The following NPAS3 variants were observed in gnomAD, a reference collection of about 807,000 sequenced individuals.
NPAS3 encodes the protein neuronal PAS domain-containing protein 3.
In NPAS3, 14 loss-of-function variants were observed where a neutral mutation model predicts 73.1. The ratio of observed to expected loss-of-function variants is 0.19; its 90% CI spans 0.13 to 0.30. The LOEUF (loss-of-function observed/expected upper bound fraction) is 0.30. NPAS3 is among the 10% of genes least tolerant of loss of function. The probability of loss-of-function intolerance (pLI) is 1.00; values close to 1 mark genes in which losing one functional copy is unlikely to be tolerated. For missense variants in NPAS3, 1,096 were observed against 1,250.0 expected, an observed-to-expected ratio of 0.88 and a Z score of 1.86; for synonymous variants, 620 against 541.5, an observed-to-expected ratio of 1.14 and a Z score of -2.01.
intron 4 of NPAS3, among the ~76,000 whole-genome samples, chr14:33,477,696 T>C (rs1361800418): frequency 6.6e-6 from 1 of 152,166 alleles, no homozygotes; most frequent in Non-Finnish European, 1.5e-5. Flanking sequence ...CTCTCCAAGT[T>C]CATTTGCCCC....
intron 2 of NPAS3, among the ~76,000 whole-genome samples, chr14:33,123,516 G>A (rs2043310361): frequency 6.6e-6 from 1 of 152,116 alleles, no homozygotes; most frequent in Admixed American, 6.6e-5. Context: ...GGGGCAGGGA[G>A]AAGGAGCAAC....
intron 1 of NPAS3, among the ~76,000 whole-genome samples, chr14:32,941,848 C>A (rs748499286): frequency 5.3e-5 from 8 of 152,102 alleles, no homozygotes; most frequent in Non-Finnish European, 1.0e-4. Context: ...AAACTTGGTC[C>A]CTTATCCAAA....
In NPAS3 at chr14:33,729,355, G is replaced by T. The variant is rs17101797; in HGVS notation, c.734-5859G>T. 3.1e-3 allele frequency among the ~76,000 whole-genome samples: 474 copies of T among 152,238 alleles called. 6 individuals are homozygous for T. In the East Asian group the frequency reaches 0.032, roughly 10 times the overall value. On this transcript the variant is annotated intron_variant, in intron 6 of 11. Transcript: ENST00000356141. ...AAGGCTATGATTTTTCCAAAAAGAG[G>T]TTCTACATTAATGCTATATGAGTTG...
Position 32,954,458 on chromosome 14 carries a change from C to CT in NPAS3, c.50+15093dup, listed in dbSNP as rs541953640. On this transcript the variant is annotated intron_variant, in intron 1 of 11. Transcript: ENST00000356141. Reference sequence around the variant, plus strand: ...TTCTCTTTTATAGATGAGGTCATAGCTAGTAAAGTTTTGAAATTGGATTTA... The same window carrying CT: ...TTCTCTTTTATAGATGAGGTCATAGCTTAGTAAAGTTTTGAAATTGGATTTA... Among the ~76,000 whole-genome samples, 36 of 152,222 alleles carry CT rather than the reference C, an allele frequency of 2.4e-4. 1 individual carries two copies. The South Asian group carries it at 6.8e-3, about 29-fold the overall frequency.
intron 4 of NPAS3, among the ~76,000 whole-genome samples, chr14:33,528,984 C>T (rs1481164610): frequency 6.6e-6 from 1 of 152,110 alleles, no homozygotes; most frequent in Non-Finnish European, 1.5e-5. Context: ...ATCCTAAATT[C>T]AAACCCAGAG....
chr14:33,703,110 C>G (rs976150017), intron 6 of NPAS3, among the ~76,000 whole-genome samples: 2 of 152,030 alleles, frequency 1.3e-5, no homozygotes, highest in Non-Finnish European at 2.9e-5. Flanking sequence ...AGGATTGGGG[C>G]AGAAGAATTC....
At chr14:33,158,851 G>A (rs956655404) in intron 2 of NPAS3, among the ~76,000 whole-genome samples, 1 of 152,134 alleles carries the variant, frequency 6.6e-6, no homozygotes, top group Non-Finnish European at 1.5e-5. Flanking sequence ...TCTTAGCTAA[G>A]GTTTTGATAG....
intron 4 of NPAS3, among the ~76,000 whole-genome samples, chr14:33,409,491 A>T (rs1036474669): frequency 1.3e-5 from 2 of 152,212 alleles, no homozygotes; most frequent in African/African-American, 4.8e-5. Context: ...ATTTTAAAAG[A>T]TGACAAATTG....
At chr14:33,182,201 A>G (rs1439340705) in intron 2 of NPAS3, among the ~76,000 whole-genome samples, 1 of 152,202 alleles carries the variant, frequency 6.6e-6, no homozygotes, top group East Asian at 1.9e-4. Flanking sequence ...TGTGTTAGGT[A>G]TATATTTTAA....
intron 2 of NPAS3, among the ~76,000 whole-genome samples, chr14:33,164,449 A>G (rs1333607430): frequency 1.3e-5 from 2 of 152,106 alleles, no homozygotes; most frequent in African/African-American, 2.4e-5. Context: ...CCAGTCACAA[A>G]TATTCCCAGT....
At chr14:32,954,943 T>C (rs2036615784) in intron 1 of NPAS3, among the ~76,000 whole-genome samples, 1 of 152,174 alleles carries the variant, frequency 6.6e-6, no homozygotes. Context: ...TGTAGTTCTA[T>C]TTCCTGCATA....
chr14:33,353,004 G>C (rs145453908), intron 3 of NPAS3, among the ~76,000 whole-genome samples: 51 of 152,192 alleles, frequency 3.4e-4, no homozygotes, highest in African/African-American at 1.2e-3. Context: ...GAGAGCTAAG[G>C]GGAGCAAGTT....
chr14:33,183,421 G>GGTTTTTTTTTTTT (rs2045868671), intron 2 of NPAS3, among the ~76,000 whole-genome samples: 1 of 60,764 alleles, frequency 1.6e-5, no homozygotes, highest in African/African-American at 9.6e-5. Context: ...GTGAGACTCT[G>GGTTTTTTTTTTTT]TTTTTTTTTT....
intron 1 of NPAS3, among the ~76,000 whole-genome samples, chr14:32,959,617 A>C (rs193069685): frequency 2.6e-5 from 4 of 152,290 alleles, no homozygotes; most frequent in Admixed American, 2.6e-4. Flanking sequence ...ATAGACAGAG[A>C]CTTAATTACG....
chr14:33,234,806 A>G (rs867704129), intron 3 of NPAS3, among the ~76,000 whole-genome samples: 2 of 152,090 alleles, frequency 1.3e-5, no homozygotes, highest in Non-Finnish European at 2.9e-5. Context: ...TCAAGCTTGT[A>G]TCACTGTTCC....
intron 1 of NPAS3, among the ~76,000 whole-genome samples, chr14:33,003,046 T>G (rs956783060): frequency 1.3e-5 from 2 of 152,036 alleles, no homozygotes; most frequent in African/African-American, 4.8e-5. Context: ...ATACAAATGA[T>G]GATTTCATTC....
chr14:33,064,085 A>G (rs1449984235), intron 2 of NPAS3, among the ~76,000 whole-genome samples: 1 of 152,172 alleles, frequency 6.6e-6, no homozygotes, highest in African/African-American at 2.4e-5. Flanking sequence ...CTTAAAGGAG[A>G]TCATTGTGAA....
At chr14:33,731,715 G>A (rs1208073942) in intron 6 of NPAS3, among the ~76,000 whole-genome samples, 1 of 152,122 alleles carries the variant, frequency 6.6e-6, no homozygotes, top group African/African-American at 2.4e-5. Flanking sequence ...GGTGGCATTT[G>A]CCAACATAAA....
chr14:33,686,257 T>C (rs953202115), intron 6 of NPAS3, among the ~76,000 whole-genome samples: 2 of 152,170 alleles, frequency 1.3e-5, no homozygotes, highest in Non-Finnish European at 2.9e-5. Context: ...GAAGGAGCCC[T>C]GTCTTCCTCA....
Sources: allele counts gnomAD v4.1 joint callset (sites outside exome capture counted in the v4.1 genomes callset), GRCh38; gene constraint gnomAD v4.1.1; transcripts MANE v1.5; gene names NCBI Gene and HGNC (gene_info 2026-07-23, HGNC 2026-07-21).